Variants in CNTNAP2 observed in about 807,000 individuals in gnomAD.
The protein encoded by CNTNAP2 is contactin-associated protein-like 2.
CNTNAP2 carries 98 observed loss-of-function variants against 155.2 expected under a neutral mutation model. The ratio of observed to expected loss-of-function variants is 0.63; its 90% confidence interval spans 0.54 to 0.75. The LOEUF is 0.75. CNTNAP2 is among the 30% of genes least tolerant of loss of function. CNTNAP2 has a pLI of 0.00. For synonymous variants in CNTNAP2, 651 were observed against 631.2 expected (o/e 1.03, Z -0.47); for missense variants, 1,727 against 1,688.1 (o/e 1.02, Z -0.40).
At chr7:146,942,151 T>A (rs2129225870) in intron 3 of CNTNAP2, among the ~76,000 whole-genome samples, 1 of 152,140 alleles carries the variant, frequency 6.6e-6, no homozygotes, top group East Asian at 1.9e-4. Flanking sequence ...TTTTTTGATG[T>A]TGTCTCATAA....
intron 11 of CNTNAP2, among the ~76,000 whole-genome samples, chr7:147,558,287 T>G (rs974000965): frequency 1.3e-5 from 2 of 152,240 alleles, no homozygotes; most frequent in Non-Finnish European, 2.9e-5. Flanking sequence ...TGAAGTGAGG[T>G]GGCATTCTAA....
intron 13 of CNTNAP2, among the ~76,000 whole-genome samples, chr7:147,874,602 G>C (rs543891934): frequency 9.2e-5 from 14 of 152,352 alleles, no homozygotes; most frequent in Admixed American, 7.8e-4. Flanking sequence ...GGCCAGTGAT[G>C]GGAAGGGCTG....
chr7:147,342,595 A>T (rs187161500), intron 9 of CNTNAP2, among the ~76,000 whole-genome samples: 52 of 152,328 alleles, frequency 3.4e-4, no homozygotes, highest in Non-Finnish European at 1.3e-4. Context: ...CATTTACTTC[A>T]GCACACCAAA....
intron 17 of CNTNAP2, among the ~76,000 whole-genome samples, chr7:148,169,103 ATATTG>A (rs1805727747): frequency 6.6e-6 from 1 of 152,234 alleles, no homozygotes; most frequent in African/African-American, 2.4e-5. Flanking sequence ...GTTAAAGCTC[ATATTG>A]TTATTAATCA....
intron 13 of CNTNAP2, among the ~76,000 whole-genome samples, chr7:147,878,106 A>G (rs1299536198): frequency 1.3e-5 from 2 of 150,112 alleles, no homozygotes; most frequent in African/African-American, 4.9e-5. Context: ...ATCTTTAGGT[A>G]TGTTTTTCAG....
At chr7:146,362,864 G>A (rs1324659692) in intron 1 of CNTNAP2, among the ~76,000 whole-genome samples, 7 of 144,054 alleles carry the variant, frequency 4.9e-5, no homozygotes, top group African/African-American at 1.0e-4. Flanking sequence ...CCCGCCTCCC[G>A]GGTTCAAGAG....
chr7:146,755,687 TA>T (rs1454364875), intron 1 of CNTNAP2, among the ~76,000 whole-genome samples: 1 of 152,000 alleles, frequency 6.6e-6, no homozygotes, highest in Non-Finnish European at 1.5e-5. Flanking sequence ...CAAACCTCTC[TA>T]GGTTAGCTTG....
At chr7:148,220,646 C>T (rs1379972133) in intron 19 of CNTNAP2, among the ~76,000 whole-genome samples, 4 of 143,718 alleles carry the variant, frequency 2.8e-5, no homozygotes, top group Non-Finnish European at 6.1e-5. Flanking sequence ...AAAAAAAAAG[C>T]AATAATGTGA....
At chr7:146,244,820 C>T (rs1351312418) in intron 1 of CNTNAP2, among the ~76,000 whole-genome samples, 5 of 152,172 alleles carry the variant, frequency 3.3e-5, no homozygotes, top group Non-Finnish European at 7.4e-5. Context: ...AAGGACTCTA[C>T]CTATCCAGTG....
chr7:146,524,930 T>A (rs1000160906), intron 1 of CNTNAP2, among the ~76,000 whole-genome samples: 7 of 152,236 alleles, frequency 4.6e-5, no homozygotes, highest in Admixed American at 2.0e-4. Flanking sequence ...TTCATTATAT[T>A]TCCTAGGGTT....
intron 1 of CNTNAP2, among the ~76,000 whole-genome samples, chr7:146,218,275 C>T (rs569813596): frequency 3.3e-5 from 5 of 152,184 alleles, no homozygotes; most frequent in Non-Finnish European, 5.9e-5. Flanking sequence ...TTTGGGAGGC[C>T]GAGGCGGGCA....
At chr7:147,543,228 G>C (rs969132078) in intron 11 of CNTNAP2, among the ~76,000 whole-genome samples, 1 of 152,240 alleles carries the variant, frequency 6.6e-6, no homozygotes, top group East Asian at 1.9e-4. Context: ...GGATGGGCTA[G>C]TTAACTGCAG....
At chr7:147,648,538 C>T (rs1795403215) in intron 13 of CNTNAP2, among the ~76,000 whole-genome samples, 1 of 152,192 alleles carries the variant, frequency 6.6e-6, no homozygotes, top group Non-Finnish European at 1.5e-5. Flanking sequence ...AATGGACTCA[C>T]AGTTCCACAT....
intron 19 of CNTNAP2, among the ~76,000 whole-genome samples, chr7:148,221,158 T>G (rs1307025703): frequency 1.3e-5 from 2 of 152,196 alleles, no homozygotes; most frequent in African/African-American, 4.8e-5. Context: ...TTTCATTGTC[T>G]TCAAGGGCGT....
chr7:146,667,764 T>C (rs1025239353), intron 1 of CNTNAP2, among the ~76,000 whole-genome samples: 14 of 151,998 alleles, frequency 9.2e-5, no homozygotes, highest in Admixed American at 9.2e-4. Context: ...CTTCTTGATC[T>C]CTTTTTTTTA....
chr7:146,722,719 T>C (rs1801359458), intron 1 of CNTNAP2, among the ~76,000 whole-genome samples: 2 of 151,912 alleles, frequency 1.3e-5, no homozygotes, highest in South Asian at 2.1e-4. Flanking sequence ...AAAATATATA[T>C]ATATATATAC....
intron 10 of CNTNAP2, among the ~76,000 whole-genome samples, chr7:147,468,466 A>C (rs2116602654): frequency 6.6e-6 from 1 of 152,338 alleles, no homozygotes; most frequent in Middle Eastern, 3.4e-3. Context: ...CTATATATAA[A>C]GCCTTCAGTA....
chr7:146,884,005 A>C (rs990547896), intron 3 of CNTNAP2, among the ~76,000 whole-genome samples: 1 of 152,112 alleles, frequency 6.6e-6, no homozygotes, highest in Non-Finnish European at 1.5e-5. Flanking sequence ...TTAAGCATGT[A>C]AATAGGGCAT....
chr7:147,801,129 AC>A (rs1396004069), intron 13 of CNTNAP2, among the ~76,000 whole-genome samples: 3 of 151,872 alleles, frequency 2.0e-5, no homozygotes, highest in Non-Finnish European at 1.5e-5. Flanking sequence ...GTTTATTATC[AC>A]CTCAAAGAAG....
Sources: allele counts gnomAD v4.1 joint callset (sites outside exome capture counted in the v4.1 genomes callset), GRCh38; gene constraint gnomAD v4.1.1; transcripts MANE v1.5; gene names NCBI Gene and HGNC (gene_info 2026-07-23, HGNC 2026-07-21).